The following ZNF568 variants were observed in gnomAD, a reference collection of about 807,000 sequenced individuals.
ZNF568 encodes the protein zinc finger protein 568.
Under a neutral mutation model 18.1 loss-of-function variants are expected in ZNF568, and 11 were observed. That is an observed-to-expected ratio of 0.61 (90% CI 0.38 to 1.00). The LOEUF (loss-of-function observed/expected upper bound fraction) is 1.00, where lower values mean the gene tolerates loss of function less well. ZNF568 is among the 50% of genes least tolerant of loss of function. The probability of loss-of-function intolerance (pLI) is 0.01; values close to 1 mark genes in which losing one functional copy is unlikely to be tolerated. For synonymous variants in ZNF568, 213 were observed against 246.6 expected (o/e 0.86, Z 1.28); for missense variants, 639 against 768.2 (o/e 0.83, Z 1.99).
chr19:36,953,649 A>T (rs1247082144), downstream of ZNF568, among the ~76,000 whole-genome samples: 1 of 152,160 alleles, frequency 6.6e-6, no homozygotes, highest in East Asian at 1.9e-4. Context: ...CAGTAGCTCA[A>T]GCCTGTAAAC....
At chr19:36,957,264 C>T (rs966299474), downstream of ZNF568, among the ~76,000 whole-genome samples, 14 of 119,984 alleles carry the variant, frequency 1.2e-4, no homozygotes, top group Non-Finnish European at 8.0e-5. Context: ...TGGAGTCCTG[C>T]TCTGTCGCCC....
chr19:36,989,554 G>A (rs78534222), intron 2 of ZNF568, among the ~76,000 whole-genome samples: 1 of 152,096 alleles, frequency 6.6e-6, no homozygotes, highest in South Asian at 2.1e-4. Flanking sequence ...AAACCTCTTA[G>A]CATTTATAAG....
intron 7 of ZNF568, among the ~76,000 whole-genome samples, chr19:36,975,213 T>C (rs2074272687): frequency 2.0e-5 from 3 of 149,806 alleles, no homozygotes; most frequent in Non-Finnish European, 4.4e-5. Context: ...AATGGCACAA[T>C]CTCGGCTCAC....
chr19:36,940,799 C>T (rs2073867480), intron 6 of ZNF568, among the ~76,000 whole-genome samples: 1 of 152,094 alleles, frequency 6.6e-6, no homozygotes, highest in Non-Finnish European at 1.5e-5. Flanking sequence ...GCATTGAAGC[C>T]ATTTTCCTGT....
chr19:36,937,314 T>G (rs1600795958), intron 6 of ZNF568, 72 bp downstream of exon 6: 1 of 1,303,120 alleles, frequency 7.7e-7, no homozygotes, highest in East Asian at 2.3e-5. Context: ...TGATATCATT[T>G]CACAATTTCC....
chr19:36,980,457 G>T (rs1551025), downstream of ZNF568: 30,698 of 152,016 alleles, frequency 0.2, 3,366 homozygotes, highest in African/African-American at 0.29. Flanking sequence ...AGGTCTGAGG[G>T]AACAGTCCCT....
chr19:36,927,903 ATTTTTTTT>A (rs71177414), intron 4 of ZNF568, among the ~76,000 whole-genome samples: 15 of 26,604 alleles, frequency 5.6e-4, no homozygotes, highest in East Asian at 1.2e-3. Context: ...ATATATATAT[ATTTTTTTT>A]TTTTTTTTTT....
chr19:36,936,939 C>T, intron 5 of ZNF568, 67 bp downstream of exon 5: 1 of 1,573,276 alleles, frequency 6.4e-7, no homozygotes, highest in African/African-American at 1.3e-5. Context: ...TGTGTGAAGA[C>T]TGTAACTTGC....
chr19:36,945,221 G>A (rs1470181828), intron 6 of ZNF568, among the ~76,000 whole-genome samples: 1 of 149,342 alleles, frequency 6.7e-6, no homozygotes, highest in Non-Finnish European at 1.5e-5. Context: ...GTGTGTGTGT[G>A]TGTGTGTGTG....
chr19:36,943,063 T>G (rs771730062), intron 6 of ZNF568, among the ~76,000 whole-genome samples: 1 of 152,206 alleles, frequency 6.6e-6, no homozygotes, highest in African/African-American at 2.4e-5. Flanking sequence ...TGTGGTGGTG[T>G]TTGACATGCT....
downstream of ZNF568, among the ~76,000 whole-genome samples, chr19:36,956,158 C>T (rs1296080724): frequency 2.6e-5 from 4 of 152,174 alleles, no homozygotes; most frequent in African/African-American, 9.7e-5. Flanking sequence ...TGTGGGAACT[C>T]GAGTGTAAGC....
At chr19:36,992,652 T>A (rs1049466751) in intron 4 of ZNF568, among the ~76,000 whole-genome samples, 8 of 152,220 alleles carry the variant, frequency 5.3e-5, no homozygotes, top group African/African-American at 1.7e-4. Context: ...TCCAGTTTTG[T>A]CCTGACTTTT....
intron 4 of ZNF568, chr19:36,931,704 A>C (rs977576933): frequency 2.0e-5 from 3 of 152,186 alleles, no homozygotes; most frequent in Non-Finnish European, 4.4e-5. Flanking sequence ...ATATTGAAAT[A>C]TAGTCTTATA....
rs1276760130 is a variant in ZNF568 at position 36,991,899 on chromosome 19, C to T, written c.229+53C>T. On this transcript the variant is annotated intron_variant, in intron 4 of 4. Transcript: ENST00000433993. ...GGCCATAGCAGGTGGTCACTTAGCT[C>T]ATCTGTGAGAAGGCAGCACTTCAGG... is the stretch of plus-strand genomic sequence containing the variant. 22 of 1,434,016 alleles carry T rather than the reference C, an allele frequency of 1.5e-5. No individual in the cohort carries two copies. In the East Asian group the frequency reaches 5.1e-4, roughly 33 times the overall value. 88.8% of individuals were successfully genotyped at this position (1,434,016 alleles called of 1,614,324 possible).
At chr19:36,981,857 G>GA (rs1364516940), downstream of ZNF568, among the ~76,000 whole-genome samples, 1 of 151,580 alleles carries the variant, frequency 6.6e-6, no homozygotes, top group Non-Finnish European at 1.5e-5. Flanking sequence ...CTGGGTGACA[G>GA]AGCAAGACCC....
At chr19:36,948,081 A>C (rs772074688) in intron 6 of ZNF568, among the ~76,000 whole-genome samples, 3 of 152,192 alleles carry the variant, frequency 2.0e-5, no homozygotes, top group Non-Finnish European at 4.4e-5. Context: ...ACTCAGATCC[A>C]TTATAGTATC....
intron 2 of ZNF568, chr19:36,991,043 T>C (rs1262855142): frequency 1.1e-6 from 1 of 907,790 alleles, no homozygotes; most frequent in Non-Finnish European, 1.6e-6. Context: ...GACCCCTCCA[T>C]GTTGAAGGAG....
At chr19:36,961,655 T>C (rs1027311518) in intron 6 of ZNF568, among the ~76,000 whole-genome samples, 2 of 151,952 alleles carry the variant, frequency 1.3e-5, no homozygotes, top group Admixed American at 1.3e-4. Flanking sequence ...TCCTGAGTAG[T>C]TAGGATTACA....
intron 6 of ZNF568, among the ~76,000 whole-genome samples, chr19:36,966,120 AC>A (rs1255890680): frequency 6.6e-6 from 1 of 152,000 alleles, no homozygotes; most frequent in Non-Finnish European, 1.5e-5. Flanking sequence ...GCCTGTCTCT[AC>A]TAAAAAATAT....
Sources: allele counts gnomAD v4.1 joint callset (sites outside exome capture counted in the v4.1 genomes callset), GRCh38; gene constraint gnomAD v4.1.1; transcripts MANE v1.5; gene names NCBI Gene and HGNC (gene_info 2026-07-23, HGNC 2026-07-21).